ADD1: variants seen among roughly 807,000 people sequenced by gnomAD.
ADD1 encodes the protein adducin 1.
In ADD1, 24 loss-of-function variants were observed where a neutral mutation model predicts 80.5. The ratio of observed to expected loss-of-function variants is 0.30; its 90% confidence interval spans 0.22 to 0.42. The LOEUF (loss-of-function observed/expected upper bound fraction) is 0.42. Ranked by LOEUF, ADD1 falls within the 10% of genes least tolerant of loss-of-function variation. The probability of loss-of-function intolerance (pLI) is 1.00; values close to 1 mark genes in which losing one functional copy is unlikely to be tolerated. For missense variants in ADD1, 948 were observed against 1,019.0 expected, an observed-to-expected ratio of 0.93 and a Z score of 0.95; for synonymous variants, 373 against 393.8, an observed-to-expected ratio of 0.95 and a Z score of 0.63.
intron 1 of ADD1, among the ~76,000 whole-genome samples, chr4:2,855,724 A>G (rs375907249): frequency 6.6e-6 from 1 of 151,058 alleles, no homozygotes; most frequent in East Asian, 1.9e-4. Flanking sequence ...TTTTTGAGAC[A>G]GGTTCTCACT....
intron 1 of ADD1, among the ~76,000 whole-genome samples, chr4:2,845,988 A>G (rs1287410388): frequency 6.6e-6 from 1 of 152,204 alleles, no homozygotes; most frequent in Non-Finnish European, 1.5e-5. Flanking sequence ...ATCTTGCTTC[A>G]TCATATCCCC....
chr4:2,922,197 C>T (rs1292127283), intron 14 of ADD1, among the ~76,000 whole-genome samples: 1 of 152,108 alleles, frequency 6.6e-6, no homozygotes, highest in African/African-American at 2.4e-5. Context: ...AGTTGTGATC[C>T]TTTGGAGGAG....
At position 2,926,805 on chromosome 4, in the gene ADD1, C is replaced by A; in HGVS notation, c.2047+693C>A. On this transcript the variant is annotated intron_variant, in intron 15 of 15. Transcript: ENST00000683351. The surrounding 1 kb of genome is among the most constrained non-coding windows in gnomAD (Gnocchi z 5.0). ...AAAACAGAAGCCCCCCTTTTTTGTA[C>A]CCAGTCCCTTGGAGGCCTTCCTGGA... The A allele has an allele frequency of 1.8e-6, 2 of 1,087,994 alleles. No individual in the cohort carries two copies. The highest frequency in any genetic ancestry group is 2.6e-6 in the Non-Finnish European group (2 of 756,468). 67.4% of individuals were successfully genotyped at this position (1,087,994 alleles called of 1,614,324 possible).
chr4:2,907,411 A>G (rs1023503813), intron 10 of ADD1: 13 of 206,392 alleles, frequency 6.3e-5, no homozygotes, highest in African/African-American at 9.3e-5. Flanking sequence ...CAGTGAACCA[A>G]TGGTCTCTGA....
intron 1 of ADD1, among the ~76,000 whole-genome samples, chr4:2,859,981 G>A (rs866319751): frequency 6.8e-6 from 1 of 147,862 alleles, no homozygotes; most frequent in African/African-American, 2.5e-5. Flanking sequence ...CCCTCCTTAC[G>A]TGTTTAATTA....
rs1560264935 is a variant in ADD1, at chr4:2,926,126, G to A, written c.2047+14G>A. 2.5e-6 allele frequency: 4 copies of A among 1,609,232 alleles called. No homozygotes were observed. The highest frequency in any genetic ancestry group is 2.5e-6 in the Non-Finnish European group (3 of 1,177,128). ...AGCTGGAGGAAGGTGAGCTCTGGGTGGCAGCGGCCGCCACTGTGGGAGGGT... is the reference window on the plus strand; with the variant it reads ...AGCTGGAGGAAGGTGAGCTCTGGGTAGCAGCGGCCGCCACTGTGGGAGGGT... On this transcript the variant is annotated intron_variant, in intron 15 of 15. Transcript: ENST00000683351. The surrounding 1 kb of genome is among the most constrained non-coding windows in gnomAD (Gnocchi z 5.0).
chr4:2,926,658 A>T lies in ADD1; in HGVS notation c.2047+546A>T, dbSNP rs1191689200. ...CACAAGCAGGAGACGGATGCGCTAG[A>T]GAGTACCTGTTACCCTAGTAAGTAC... On this transcript the variant is annotated intron_variant, in intron 15 of 15. Coordinates refer to ENST00000683351, the MANE Select transcript of ADD1 (RefSeq NM_001354761.2). This position sits in a 1 kb window ranked among gnomAD's most constrained non-coding sequence, Gnocchi z 5.0. 6.2e-7 allele frequency: 1 copy of T among 1,613,968 alleles called. No individual in the cohort carries two copies. The highest frequency in any genetic ancestry group is 1.1e-5 in the South Asian group (1 of 91,042).
chr4:2,911,225 T>C (rs1737965430), intron 13 of ADD1, among the ~76,000 whole-genome samples: 1 of 152,048 alleles, frequency 6.6e-6, no homozygotes, highest in African/African-American at 2.4e-5. Context: ...AGAATGGGTA[T>C]TTGGGACTTA....
Position 2,851,846 on chromosome 4 carries a change from C to CT in ADD1, c.-21+7834dup, listed in dbSNP as rs879278100. Among the ~76,000 whole-genome samples the CT allele has an allele frequency of 2.6e-3, 376 of 145,972 alleles. 2 individuals carry two copies. Among genetic ancestry groups the CT allele is most frequent in the Middle Eastern group, 7.3e-3 (2 of 274 alleles). ...ACCATCCGGATACTCAGTTTTTATT[C>CT]TTTTTTTTTTTTGAGATGGAGTTTC... On this transcript the variant is annotated intron_variant, in intron 1 of 15. Transcript: ENST00000683351.
At chr4:2,868,477 A>G (rs1460794880) in intron 1 of ADD1, among the ~76,000 whole-genome samples, 1 of 152,180 alleles carries the variant, frequency 6.6e-6, no homozygotes, top group Non-Finnish European at 1.5e-5. Context: ...CTTTCCAGCG[A>G]ACTCTCCACC....
At position 2,884,679 on chromosome 4, in the gene ADD1, T is replaced by C. The variant is rs1427210542; in HGVS notation, c.510+13T>C. The stretch of plus-strand genomic sequence containing the variant: ...CAATCATATCACAGTGAGTATTAAA[T>C]GGGCTAGTAACTGAACGATAAATGA... On this transcript the variant is annotated intron_variant, in intron 4 of 15. Coordinates refer to ENST00000683351, the MANE Select transcript of ADD1 (RefSeq NM_001354761.2). The C allele has an allele frequency of 6.3e-7, 1 of 1,590,434 alleles. No individual in the cohort carries two copies. The highest frequency in any genetic ancestry group is 8.6e-7 in the Non-Finnish European group (1 of 1,163,742).
intron 15 of ADD1, among the ~76,000 whole-genome samples, chr4:2,927,722 G>A (rs555800906): frequency 3.3e-5 from 5 of 152,310 alleles, no homozygotes; most frequent in East Asian, 3.9e-4. Flanking sequence ...AGTTATGCAC[G>A]ATTTTCTACT....
At chr4:2,873,378 G>T (rs1420436625) in intron 1 of ADD1, among the ~76,000 whole-genome samples, 1 of 152,232 alleles carries the variant, frequency 6.6e-6, no homozygotes, top group East Asian at 1.9e-4. Flanking sequence ...GGACAGGTTT[G>T]TACTGCAAAG....
chr4:2,897,659 A>G (rs577348916), intron 6 of ADD1, among the ~76,000 whole-genome samples: 35 of 148,944 alleles, frequency 2.3e-4, no homozygotes, highest in Middle Eastern at 3.5e-3. Flanking sequence ...CCTCTTGACT[A>G]CAGGTGCATG....
intron 13 of ADD1, among the ~76,000 whole-genome samples, chr4:2,911,446 A>T (rs1032483415): frequency 3.3e-3 from 423 of 126,930 alleles, no homozygotes; most frequent in Non-Finnish European, 3.9e-3. Flanking sequence ...ATATATATAT[A>T]TATTTTTTTT....
Position 2,884,804 on chromosome 4 carries a change from A to G in ADD1, c.510+138A>G. The G allele has an allele frequency of 1.9e-6, 2 of 1,055,480 alleles. 1 individual carries two copies. Among genetic ancestry groups the G allele is most frequent in the South Asian group, 4.0e-5 (2 of 49,708 alleles). The allele number at this position is 1,055,480 out of a possible 1,614,324, so 65.4% of individuals were successfully genotyped here. A position where few individuals can be genotyped will look rare whatever the true frequency, so the allele number is the denominator to read the frequency against. On this transcript the variant is annotated intron_variant, in intron 4 of 15. Coordinates refer to ENST00000683351, the MANE Select transcript of ADD1 (RefSeq NM_001354761.2). ...AATACCTCTTCTGATTCCTGACTAC[A>G]GAGTGTAATAACCTGAGAATCAGCC...
At chr4:2,909,231 T>G (rs1737587953) in intron 12 of ADD1, 108 bp from the exon 13 acceptor site, 1 of 913,312 alleles carries the variant, frequency 1.1e-6, no homozygotes, top group Admixed American at 2.1e-5. Flanking sequence ...CACTTACTGT[T>G]GACAGCTGTC....
chr4:2,921,646 GGT>G (rs1254328247), intron 14 of ADD1, among the ~76,000 whole-genome samples: 1 of 152,072 alleles, frequency 6.6e-6, no homozygotes, highest in African/African-American at 2.4e-5. Context: ...GTATCTCTGT[GGT>G]GTTTCTGTAT....
At chr4:2,864,719 T>G (rs574322681) in intron 1 of ADD1, among the ~76,000 whole-genome samples, 2 of 151,794 alleles carry the variant, frequency 1.3e-5, no homozygotes, top group South Asian at 2.1e-4. Flanking sequence ...CCCTCTGGAG[T>G]CTACTCTCCA....
Sources: gnomAD v4.1 joint callset for allele counts (sites outside exome capture counted in the v4.1 genomes callset) on GRCh38, gnomAD v4.1.1 for gene constraint, Gnocchi (gnomAD v3.1) non-coding constraint, MANE v1.5 for transcripts, NCBI Gene and HGNC (gene_info 2026-07-23, HGNC 2026-07-21) for gene names.